Variants in ARID4B observed in about 807,000 individuals in gnomAD.
ARID4B encodes AT-rich interaction domain 4B, also known as AT-rich interactive domain-containing protein 4B.
ARID4B carries 26 observed loss-of-function variants against 147.5 expected under a neutral mutation model. That is an observed-to-expected ratio of 0.18 (90% CI 0.13 to 0.24). ARID4B has a LOEUF of 0.24. Among genes scored for constraint, ARID4B ranks in the 10% least tolerant of loss-of-function variants. The pLI is 1.00. For missense variants in ARID4B, 1,179 were observed against 1,511.5 expected, an observed-to-expected ratio of 0.78 and a Z score of 3.65; for synonymous variants, 512 against 507.9, an observed-to-expected ratio of 1.01 and a Z score of -0.11.
intron 19 of ARID4B, chr1:235,189,931 G>C (rs1664975037): frequency 6.5e-6 from 1 of 154,048 alleles, no homozygotes; most frequent in South Asian, 2.0e-4. Context: ...ATGCAGGAGA[G>C]GAAATCATCA....
At chr1:235,264,448 A>G (rs1306641955) in intron 2 of ARID4B, among the ~76,000 whole-genome samples, 1 of 152,208 alleles carries the variant, frequency 6.6e-6, no homozygotes. Context: ...TTACTTTAAC[A>G]TGAGGTAATA....
intron 9 of ARID4B, among the ~76,000 whole-genome samples, 189 bp downstream of exon 9, chr1:235,234,223 GA>G (rs1429851348): frequency 5.3e-5 from 8 of 152,224 alleles, no homozygotes; most frequent in Admixed American, 4.6e-4. Context: ...AATTAGTAAG[GA>G]AAAACATACT....
At chr1:235,323,040 CT>C (rs779535005) in intron 2 of ARID4B, among the ~76,000 whole-genome samples, 3,493 of 139,156 alleles carry the variant, frequency 0.025, 74 homozygotes, top group African/African-American at 0.064. Context: ...ATATAACCAC[CT>C]TTTTTTTTTT....
intron 12 of ARID4B, among the ~76,000 whole-genome samples, chr1:235,223,641 C>T (rs575496227): frequency 6.8e-6 from 1 of 147,180 alleles, no homozygotes; most frequent in South Asian, 2.2e-4. Flanking sequence ...TTGTATTTTA[C>T]CAATTTACTA....
chr1:235,184,477 A>AC (rs1167216764), intron 19 of ARID4B, among the ~76,000 whole-genome samples: 1 of 152,224 alleles, frequency 6.6e-6, no homozygotes, highest in East Asian at 1.9e-4. Flanking sequence ...AGGTTAATCT[A>AC]CCCCCCAAGG....
chr1:235,182,210 T>A lies in ARID4B; in HGVS notation c.2709A>T (p.Glu903Asp), dbSNP rs1230678418. The A allele has an allele frequency of 1.2e-6, 2 of 1,613,550 alleles. No individual in the cohort carries two copies. The highest frequency in any genetic ancestry group is 2.2e-5 in the East Asian group (1 of 44,892). The change falls in exon 20 of 24, where the codon GAA (glutamate) becomes GAT (aspartate). Residue 903 changes from glutamate (E) to aspartate (D), a missense_variant. Around this residue, in one of 10 missense-constraint regions of ARID4B, gnomAD observed 321 missense variants for 342.4 expected, o/e 0.94. Coordinates refer to ENST00000264183, the MANE Select transcript of ARID4B (RefSeq NM_016374.6). ...GFYSGFSEVA[E>D]KRIKLLNNSD... is the part of the protein sequence containing the mutation. ...AGTTATTTAAAAGTTTAATCCTTTTTTCTGCCACTTCTGAAAATCCTGAAT... is the reference window on the plus strand; with the variant it reads ...AGTTATTTAAAAGTTTAATCCTTTTATCTGCCACTTCTGAAAATCCTGAAT...
chr1:235,257,349 C>A, intron 3 of ARID4B, 124 bp from the exon 4 acceptor site: 1 of 640,996 alleles, frequency 1.6e-6, no homozygotes, highest in Non-Finnish European at 2.7e-6. Flanking sequence ...TATACAACAT[C>A]CCAATCCCTA....
chr1:235,211,669 C>A (rs1230661799), intron 17 of ARID4B, among the ~76,000 whole-genome samples: 12 of 152,132 alleles, frequency 7.9e-5, no homozygotes, highest in African/African-American at 2.9e-4. Context: ...GCCTCGAATT[C>A]CTGGGTTCAA....
At chr1:235,197,471 G>A (rs953728942) in intron 17 of ARID4B, among the ~76,000 whole-genome samples, 7 of 152,158 alleles carry the variant, frequency 4.6e-5, no homozygotes, top group Non-Finnish European at 1.0e-4. Context: ...CAAACTACTG[G>A]CTTGTAGCCA....
intron 2 of ARID4B, among the ~76,000 whole-genome samples, chr1:235,307,937 C>T (rs1373566762): frequency 6.6e-6 from 1 of 151,612 alleles, no homozygotes; most frequent in African/African-American, 2.4e-5. Flanking sequence ...GCTCAAGCTC[C>T]TCCTGTCTCA....
chr1:235,260,563 A>C, intron 3 of ARID4B, 79 bp downstream of exon 3: 1 of 1,076,596 alleles, frequency 9.3e-7, no homozygotes, highest in Non-Finnish European at 1.3e-6. Context: ...TTGCAGAAAA[A>C]TCTTAAATAC....
chr1:235,289,767 CAT>C (rs1245977526), intron 2 of ARID4B, among the ~76,000 whole-genome samples: 1 of 149,530 alleles, frequency 6.7e-6, no homozygotes, highest in Non-Finnish European at 1.5e-5. Context: ...GAAAAATGGG[CAT>C]ATGACATAAA....
chr1:235,194,677 G>A (rs914812161), intron 18 of ARID4B, among the ~76,000 whole-genome samples: 3 of 152,026 alleles, frequency 2.0e-5, no homozygotes, highest in Non-Finnish European at 2.9e-5. Context: ...AAAAGTAGCC[G>A]GGGTGGTGGC....
intron 22 of ARID4B, among the ~76,000 whole-genome samples, chr1:235,174,375 C>T (rs1663697586): frequency 6.6e-6 from 1 of 152,150 alleles, no homozygotes; most frequent in Non-Finnish European, 1.5e-5. Flanking sequence ...GCATTTGCCT[C>T]AACTGCCTTA....
chr1:235,213,182 T>C (rs1429549298), intron 17 of ARID4B, among the ~76,000 whole-genome samples: 1 of 152,186 alleles, frequency 6.6e-6, no homozygotes, highest in African/African-American at 2.4e-5. Context: ...TTCAGTTCCC[T>C]AGGTTAGGAG....
chr1:235,190,758 A>G (rs574898711), intron 19 of ARID4B, among the ~76,000 whole-genome samples: 2 of 152,160 alleles, frequency 1.3e-5, no homozygotes, highest in Non-Finnish European at 2.9e-5. Context: ...CACCAAAATG[A>G]AAGTATGGGG....
chr1:235,279,330 T>C (rs1042397908), intron 2 of ARID4B, among the ~76,000 whole-genome samples: 1 of 152,090 alleles, frequency 6.6e-6, no homozygotes, highest in African/African-American at 2.4e-5. Context: ...AACCACGTAG[T>C]ATGAGGTATT....
intron 2 of ARID4B, among the ~76,000 whole-genome samples, chr1:235,320,362 T>C (rs939681009): frequency 6.6e-6 from 1 of 152,048 alleles, no homozygotes; most frequent in East Asian, 1.9e-4. Context: ...TTGCAGTAAG[T>C]AGAATTTTCC....
intron 2 of ARID4B, among the ~76,000 whole-genome samples, chr1:235,286,623 G>A (rs1558279662): frequency 6.6e-6 from 1 of 152,150 alleles, no homozygotes; most frequent in Non-Finnish European, 1.5e-5. Context: ...TTCTGGAGAA[G>A]AGCTATAGTG....
Sources: allele counts gnomAD v4.1 joint callset (sites outside exome capture counted in the v4.1 genomes callset), GRCh38; gene constraint gnomAD v4.1.1; regional missense constraint gnomAD v4.1.1; transcripts MANE v1.5; gene names NCBI Gene and HGNC (gene_info 2026-07-23, HGNC 2026-07-21).